The following LAMA4 variants were observed in gnomAD, a reference collection of about 807,000 sequenced individuals.
LAMA4 encodes the protein laminin subunit alpha-4.
Under a neutral mutation model 207.1 loss-of-function variants are expected in LAMA4, and 127 were observed. That is an observed-to-expected ratio of 0.61 (90% CI 0.53 to 0.71). LAMA4 has a LOEUF of 0.71. LAMA4 is among the 30% of genes least tolerant of loss of function. The pLI is 0.00. For synonymous variants in LAMA4, 761 were observed against 816.0 expected, an observed-to-expected ratio of 0.93 and a Z score of 1.15; for missense variants, 2,093 against 2,246.5, an observed-to-expected ratio of 0.93 and a Z score of 1.38.
rs782286369 is a variant in LAMA4, at chr6:112,139,708, T to C, written c.3110+44A>G. On this transcript the variant is annotated intron_variant, in intron 23 of 38. Coordinates refer to ENST00000230538, the MANE Select transcript of LAMA4 (RefSeq NM_001105206.3). ...CTCATACTTGTTCTATCTGCTGCTC[T>C]TGCATGAATATCCAAGTCTTTAGTA... is the stretch of plus-strand genomic sequence containing the variant. The C allele has an allele frequency of 3.4e-5, 55 of 1,607,714 alleles. No individual in the cohort carries two copies. The African/African-American group carries it at 5.3e-4, about 16-fold the overall frequency.
chr6:112,163,167 A>AG (rs5879140), intron 13 of LAMA4, among the ~76,000 whole-genome samples: 94,748 of 150,972 alleles, frequency 0.63, 30,134 homozygotes, highest in Middle Eastern at 0.74. Context: ...TTTTGTAGAG[A>AG]GGGGGTCTCA....
intron 2 of LAMA4, among the ~76,000 whole-genome samples, chr6:112,239,891 G>A (rs1554187313): frequency 1.3e-5 from 2 of 152,012 alleles, no homozygotes; most frequent in South Asian, 2.1e-4. Context: ...GTGAAACCCC[G>A]TCTCTACTAA....
chr6:112,157,920 G>C (rs1346022667), intron 14 of LAMA4: 1 of 152,180 alleles, frequency 6.6e-6, no homozygotes, highest in Non-Finnish European at 1.5e-5. Context: ...CTTCGTAGGA[G>C]ATTTGGAAGA....
At chr6:112,198,881 C>G (rs1284563848) in intron 5 of LAMA4, among the ~76,000 whole-genome samples, 1 of 152,136 alleles carries the variant, frequency 6.6e-6, no homozygotes, top group Non-Finnish European at 1.5e-5. Context: ...TATCTCATAA[C>G]AGTTTTATGA....
At position 112,123,407 on chromosome 6, in the gene LAMA4, T is replaced by C. The variant is rs182310062; in HGVS notation, c.4288-1206A>G. On this transcript the variant is annotated intron_variant, in intron 31 of 38. Coordinates refer to ENST00000230538, the MANE Select transcript of LAMA4 (RefSeq NM_001105206.3). ...TATTCCCATTGAAATGTCAGAACTATATACATAAAAATAAATCCACAGCAG... is the reference window on the plus strand; with the variant it reads ...TATTCCCATTGAAATGTCAGAACTACATACATAAAAATAAATCCACAGCAG... 1.9e-3 allele frequency among the ~76,000 whole-genome samples: 294 copies of C among 152,290 alleles called. 1 individual carries two copies. The highest frequency in any genetic ancestry group is 4.2e-3 in the Admixed American group (64 of 15,284).
At chr6:112,190,718 T>C (rs1434265878) in intron 6 of LAMA4, among the ~76,000 whole-genome samples, 1 of 152,228 alleles carries the variant, frequency 6.6e-6, no homozygotes, top group African/African-American at 2.4e-5. Flanking sequence ...TATTTACCTC[T>C]TATAATTTGA....
chr6:112,209,557 C>T (rs1784249980), intron 3 of LAMA4, among the ~76,000 whole-genome samples: 1 of 152,196 alleles, frequency 6.6e-6, no homozygotes, highest in Non-Finnish European at 1.5e-5. Flanking sequence ...AGACAGAGTG[C>T]TGGAGGCAGG....
intron 9 of LAMA4, among the ~76,000 whole-genome samples, chr6:112,184,671 T>C (rs1156368310): frequency 6.6e-6 from 1 of 152,184 alleles, no homozygotes. Flanking sequence ...CCTTTGAAGA[T>C]TTAATAAGTA....
rs575368891 is a variant in LAMA4 at position 112,134,949 on chromosome 6, A to T, written c.3415-340T>A. Among the ~76,000 whole-genome samples, 40 of 144,994 alleles carry T rather than the reference A, an allele frequency of 2.8e-4. 1 individual carries two copies. The East Asian group carries it at 3.4e-3, about 12-fold the overall frequency. ...GTGCCACCATTCTCTTTTTTTTTAA[A>T]AAAACAACTTTATTCAAGTCTAGTT... On this transcript the variant is annotated intron_variant, in intron 25 of 38. Transcript: ENST00000230538.
chr6:112,203,752 C>A lies in LAMA4; in HGVS notation c.423-2064G>T, dbSNP rs572228144. Among the ~76,000 whole-genome samples the A allele has an allele frequency of 1.2e-4, 18 of 152,258 alleles. No homozygotes were observed. The East Asian group carries it at 3.5e-3, about 29-fold the overall frequency. On this transcript the variant is annotated intron_variant, in intron 4 of 38. Coordinates refer to ENST00000230538, the MANE Select transcript of LAMA4 (RefSeq NM_001105206.3). Reference sequence around the variant, plus strand: ...ACACCCTTACCAATTCCTCCCTACTCCTACATGATATTTACTTATAGGTGA... The same window carrying A: ...ACACCCTTACCAATTCCTCCCTACTACTACATGATATTTACTTATAGGTGA...
chr6:112,127,576 G>C (rs1554328060), intron 31 of LAMA4, among the ~76,000 whole-genome samples: 1 of 152,134 alleles, frequency 6.6e-6, no homozygotes, highest in African/African-American at 2.4e-5. Flanking sequence ...GGATCACATA[G>C]GGCCTCTTAC....
chr6:112,112,209 G>C (rs1777743545), intron 38 of LAMA4, among the ~76,000 whole-genome samples: 1 of 152,154 alleles, frequency 6.6e-6, no homozygotes, highest in African/African-American at 2.4e-5. Context: ...AGTCCTAAAG[G>C]TCAATAGGAG....
At position 112,189,355 on chromosome 6, in the gene LAMA4, A is replaced by G. The variant is rs1368770062; in HGVS notation, c.719-150T>C. The stretch of plus-strand genomic sequence containing the variant: ...TCTTCCTTCAGACTGTGTAGAATCT[A>G]CGATACAGAGATTACGCCCTTCATC... On this transcript the variant is annotated intron_variant, in intron 6 of 38. Coordinates refer to ENST00000230538, the MANE Select transcript of LAMA4 (RefSeq NM_001105206.3). The G allele has an allele frequency of 1.5e-5, 10 of 684,952 alleles. No individual in the cohort carries two copies. The Admixed American group carries it at 1.9e-4, about 13-fold the overall frequency. 42.4% of individuals were successfully genotyped at this position (684,952 alleles called of 1,614,324 possible).
At chr6:112,114,964 A>G (rs1304950655) in intron 36 of LAMA4, among the ~76,000 whole-genome samples, 1 of 152,188 alleles carries the variant, frequency 6.6e-6, no homozygotes, top group Non-Finnish European at 1.5e-5. Flanking sequence ...GTGACTTCAT[A>G]GGGGAGAAAA....
intron 21 of LAMA4, among the ~76,000 whole-genome samples, 181 bp from the exon 22 acceptor site, chr6:112,141,103 T>A (rs1779664215): frequency 6.6e-6 from 1 of 152,212 alleles, no homozygotes; most frequent in Non-Finnish European, 1.5e-5. Flanking sequence ...AGTTAATTCA[T>A]GGATTGACCA....
At position 112,117,681 on chromosome 6, in the gene LAMA4, T is replaced by C. The variant is rs1778100422; in HGVS notation, c.4981+58A>G. ...TAACTCTGGGCCTGATATTCCCTGTTAGCCATCTCCAGGAAGAAGCATTTC... is the reference window on the plus strand; with the variant it reads ...TAACTCTGGGCCTGATATTCCCTGTCAGCCATCTCCAGGAAGAAGCATTTC... On this transcript the variant is annotated intron_variant, in intron 35 of 38. Transcript: ENST00000230538. This position sits in a 1 kb window ranked among gnomAD's most constrained non-coding sequence, Gnocchi z 4.5. The C allele has an allele frequency of 6.5e-7, 1 of 1,527,442 alleles. No individual in the cohort carries two copies. Among genetic ancestry groups the C allele is most frequent in the Non-Finnish European group, 9.1e-7 (1 of 1,104,084 alleles). The allele number at this position is 1,527,442 out of a possible 1,614,324, so 94.6% of individuals were successfully genotyped here. A position where few individuals can be genotyped will look rare whatever the true frequency, so the allele number is the denominator to read the frequency against.
intron 16 of LAMA4, among the ~76,000 whole-genome samples, chr6:112,151,148 C>A (rs1554335684): frequency 6.6e-6 from 1 of 152,114 alleles, no homozygotes; most frequent in Non-Finnish European, 1.5e-5. Context: ...AAACTTATTA[C>A]CACCTTTGAA....
chr6:112,147,973 T>A (rs912800262), intron 18 of LAMA4, among the ~76,000 whole-genome samples, 184 bp downstream of exon 18: 22 of 152,246 alleles, frequency 1.4e-4, no homozygotes, highest in African/African-American at 5.3e-4. Context: ...TTCTCATATG[T>A]ATTTAGACAG....
intron 12 of LAMA4, among the ~76,000 whole-genome samples, chr6:112,167,637 T>A (rs1781456479): frequency 6.6e-6 from 1 of 152,176 alleles, no homozygotes; most frequent in South Asian, 2.1e-4. Context: ...ATAAGAGTAT[T>A]TGTGATCATG....
Sources: gnomAD v4.1 joint callset for allele counts (sites outside exome capture counted in the v4.1 genomes callset) on GRCh38, gnomAD v4.1.1 for gene constraint, Gnocchi (gnomAD v3.1) non-coding constraint, MANE v1.5 for transcripts, NCBI Gene and HGNC (gene_info 2026-07-23, HGNC 2026-07-21) for gene names.